Variants in NPTN observed in about 807,000 individuals in gnomAD.
NPTN encodes the protein SDR-1.
In NPTN, 5 loss-of-function variants were observed where a neutral mutation model predicts 42.7. The ratio of observed to expected loss-of-function variants is 0.12; its 90% confidence interval spans 0.06 to 0.25. The LOEUF is 0.25. Among genes scored for constraint, NPTN ranks in the 10% least tolerant of loss-of-function variants. The pLI is 1.00. For missense variants in NPTN, 307 were observed against 525.4 expected (o/e 0.58, Z 4.06); for synonymous variants, 180 against 201.9 (o/e 0.89, Z 0.92).
intron 1 of NPTN, among the ~76,000 whole-genome samples, chr15:73,605,417 C>T (rs1897254821): frequency 6.6e-6 from 1 of 151,956 alleles, no homozygotes; most frequent in Non-Finnish European, 1.5e-5. Flanking sequence ...TGACATCAGA[C>T]CTGAGAAACA....
At chr15:73,605,726 CAAAA>C (rs77251246) in intron 1 of NPTN, among the ~76,000 whole-genome samples, 1 of 112,876 alleles carries the variant, frequency 8.9e-6, no homozygotes. Context: ...AAACTCACCT[CAAAA>C]AAAAAAAAAA....
chr15:73,608,977 T>G (rs769230993), intron 1 of NPTN, among the ~76,000 whole-genome samples: 1 of 152,162 alleles, frequency 6.6e-6, no homozygotes, highest in Non-Finnish European at 1.5e-5. Context: ...GCTGGAAATA[T>G]GCACTTGGGA....
intron 3 of NPTN, among the ~76,000 whole-genome samples, chr15:73,588,850 A>C (rs1256549777): frequency 6.6e-6 from 1 of 152,246 alleles, no homozygotes; most frequent in Non-Finnish European, 1.5e-5. Context: ...GCTTCCCAAC[A>C]GACCAAGTTC....
intron 1 of NPTN, among the ~76,000 whole-genome samples, chr15:73,605,178 T>C (rs187533671): frequency 6.7e-6 from 1 of 149,574 alleles, no homozygotes; most frequent in African/African-American, 2.5e-5. Context: ...TGGAAGAAAC[T>C]GGGGGCAGGG....
chr15:73,599,149 A>C (rs900725111), intron 1 of NPTN, among the ~76,000 whole-genome samples: 1 of 152,088 alleles, frequency 6.6e-6, no homozygotes, highest in African/African-American at 2.4e-5. Context: ...AGCCCAACAG[A>C]TGTCATTCTC....
chr15:73,626,339 T>C (rs1260127952), intron 1 of NPTN, among the ~76,000 whole-genome samples: 3 of 152,212 alleles, frequency 2.0e-5, no homozygotes, highest in Non-Finnish European at 4.4e-5. Flanking sequence ...TTGTCTGAAG[T>C]AGATTTAGAG....
intron 1 of NPTN, among the ~76,000 whole-genome samples, chr15:73,610,575 A>G (rs1897529844): frequency 6.6e-6 from 1 of 152,242 alleles, no homozygotes; most frequent in Admixed American, 6.5e-5. Flanking sequence ...AACAAGCGGA[A>G]TCTCAGCCTA....
At chr15:73,612,684 G>A (rs1185694243) in intron 1 of NPTN, among the ~76,000 whole-genome samples, 1 of 152,078 alleles carries the variant, frequency 6.6e-6, no homozygotes, top group Admixed American at 6.6e-5. Context: ...GCAGGACAAT[G>A]GCGTGAACCC....
chr15:73,632,344 T>C (rs1898795748), intron 1 of NPTN, among the ~76,000 whole-genome samples: 1 of 146,456 alleles, frequency 6.8e-6, no homozygotes, highest in East Asian at 2.1e-4. Context: ...CCCTCCATCC[T>C]CTGCTCATTT....
chr15:73,564,552 C>T (rs561894154), intron 6 of NPTN, among the ~76,000 whole-genome samples: 2 of 152,148 alleles, frequency 1.3e-5, no homozygotes, highest in African/African-American at 2.4e-5. Flanking sequence ...CACTAGTGTC[C>T]ACAGGAGTCC....
chr15:73,594,871 C>A lies in NPTN; in HGVS notation c.439+2151G>T, dbSNP rs150544240. ...CAGGAGGTCATTCTTAGATAGAACA[C>A]CTGATGTCCCCATAGAGCAATGTCT... On this transcript the variant is annotated intron_variant, in intron 2 of 8. Coordinates refer to ENST00000345330, the MANE Select transcript of NPTN (RefSeq NM_012428.4). Among the ~76,000 whole-genome samples the A allele has an allele frequency of 1.3e-3, 201 of 151,932 alleles. 3 individuals carry two copies. The East Asian group carries it at 0.032, about 24-fold the overall frequency.
intron 1 of NPTN, chr15:73,632,917 G>A (rs1028518993): frequency 6.5e-5 from 27 of 415,264 alleles, no homozygotes; most frequent in Non-Finnish European, 1.1e-4. Flanking sequence ...CACCCCGGAC[G>A]CCCCCGCCGC....
chr15:73,585,237 A>G (rs1896259384), intron 4 of NPTN, among the ~76,000 whole-genome samples: 1 of 152,210 alleles, frequency 6.6e-6, no homozygotes, highest in Non-Finnish European at 1.5e-5. Flanking sequence ...CCAAGAGGCC[A>G]CTGATGTTCT....
At chr15:73,586,385 T>C (rs1896320391) in intron 4 of NPTN, among the ~76,000 whole-genome samples, 1 of 152,216 alleles carries the variant, frequency 6.6e-6, no homozygotes, top group Admixed American at 6.5e-5. Flanking sequence ...AAAAATCAAA[T>C]GCTAAGTTCT....
intron 2 of NPTN, among the ~76,000 whole-genome samples, chr15:73,594,266 T>G (rs954343723): frequency 7.2e-5 from 11 of 152,134 alleles, no homozygotes; most frequent in Admixed American, 7.2e-4. Flanking sequence ...TCCAGATGTT[T>G]AAATACAAGG....
chr15:73,573,814 C>T lies in NPTN; in HGVS notation c.707-19G>A, dbSNP rs745872319. ...GGAGCGGCTGTGAGAAAGCGTTAGA[C>T]GCAGTTACCACGGAAGTCTACTCCA... On this transcript the variant is annotated intron_variant, in intron 4 of 8. Coordinates refer to ENST00000345330, the MANE Select transcript of NPTN (RefSeq NM_012428.4). 17 of 1,604,336 alleles carry T rather than the reference C, an allele frequency of 1.1e-5. No individual in the cohort carries two copies. The highest frequency in any genetic ancestry group is 4.5e-5 in the East Asian group (2 of 44,150).
chr15:73,622,569 A>G (rs1481416052), intron 1 of NPTN, among the ~76,000 whole-genome samples: 1 of 152,068 alleles, frequency 6.6e-6, no homozygotes, highest in Non-Finnish European at 1.5e-5. Context: ...ATTTCAGAGA[A>G]TAAATGAAAA....
intron 1 of NPTN, chr15:73,632,920 C>G: frequency 2.4e-6 from 1 of 421,478 alleles, no homozygotes; most frequent in East Asian, 3.6e-5. Flanking sequence ...CCCGGACGCC[C>G]CCGCCGCTCG....
intron 1 of NPTN, among the ~76,000 whole-genome samples, chr15:73,619,564 G>A (rs1033128353): frequency 6.6e-6 from 1 of 152,140 alleles, no homozygotes; most frequent in African/African-American, 2.4e-5. Flanking sequence ...ACTGCTACCT[G>A]GATACATTAA....
Sources: gnomAD v4.1 joint callset for allele counts (sites outside exome capture counted in the v4.1 genomes callset) on GRCh38, gnomAD v4.1.1 for gene constraint, MANE v1.5 for transcripts, NCBI Gene and HGNC (gene_info 2026-07-23, HGNC 2026-07-21) for gene names.